The following CNTNAP2 variants were observed in gnomAD, a reference collection of about 807,000 sequenced individuals.
CNTNAP2 encodes contactin associated protein 2, also known as contactin-associated protein-like 2.
In CNTNAP2, 98 loss-of-function variants were observed where a neutral mutation model predicts 155.2. The observed-to-expected ratio is 0.63, with a 90% confidence interval of 0.54 to 0.75. CNTNAP2 has a LOEUF of 0.75. Among genes scored for constraint, CNTNAP2 ranks in the 30% least tolerant of loss-of-function variants. CNTNAP2 has a pLI of 0.00. For missense variants in CNTNAP2, 1,727 were observed against 1,688.1 expected, an observed-to-expected ratio of 1.02 and a Z score of -0.40; for synonymous variants, 651 against 631.2, an observed-to-expected ratio of 1.03 and a Z score of -0.47.
intron 13 of CNTNAP2, among the ~76,000 whole-genome samples, chr7:147,833,180 A>C (rs1302354272): frequency 6.6e-6 from 1 of 151,536 alleles, no homozygotes; most frequent in Non-Finnish European, 1.5e-5. Context: ...TAGATACAAC[A>C]AAATAGGGGT....
At chr7:147,179,630 A>G (rs758030701) in intron 8 of CNTNAP2, among the ~76,000 whole-genome samples, 61 of 152,308 alleles carry the variant, frequency 4.0e-4, no homozygotes, top group Non-Finnish European at 8.5e-4. Context: ...AATTAGTCTT[A>G]TCAAAATCGG....
At chr7:146,489,804 C>G (rs1404820002) in intron 1 of CNTNAP2, among the ~76,000 whole-genome samples, 1 of 150,072 alleles carries the variant, frequency 6.7e-6, no homozygotes, top group Non-Finnish European at 1.5e-5. Flanking sequence ...GGTCTCCAAC[C>G]CCTGAAGTCG....
chr7:148,088,212 T>C (rs560484038), intron 15 of CNTNAP2, among the ~76,000 whole-genome samples: 7 of 152,218 alleles, frequency 4.6e-5, no homozygotes, highest in Middle Eastern at 3.4e-3. Context: ...ATGACCTTCA[T>C]TGATATTTCT....
chr7:146,961,306 A>G (rs1297454131), intron 3 of CNTNAP2, among the ~76,000 whole-genome samples: 1 of 152,152 alleles, frequency 6.6e-6, no homozygotes, highest in Non-Finnish European at 1.5e-5. Flanking sequence ...CTAGGTGCCA[A>G]TAAAGAATGC....
At chr7:146,817,452 A>C (rs76034183) in intron 2 of CNTNAP2, among the ~76,000 whole-genome samples, 7,408 of 151,160 alleles carry the variant, frequency 0.049, 271 homozygotes, top group Middle Eastern at 0.099. Flanking sequence ...AGCTTGGGCA[A>C]CATGAGCGAA....
At position 147,890,412 on chromosome 7, in the gene CNTNAP2, C is replaced by A. The variant is rs182841715; in HGVS notation, c.2099-13153C>A. Among the ~76,000 whole-genome samples, 95 of 152,204 alleles carry A rather than the reference C, an allele frequency of 6.2e-4. 1 individual carries two copies. Among genetic ancestry groups the A allele is most frequent in the Middle Eastern group, 3.4e-3 (1 of 294 alleles). On this transcript the variant is annotated intron_variant, in intron 13 of 23. Transcript: ENST00000361727. Reference sequence around the variant, plus strand: ...TTGGTGGGGATGTAAATTAGGACGACCATTATGAGAAACAGCATAGAAGTT... The same window carrying A: ...TTGGTGGGGATGTAAATTAGGACGAACATTATGAGAAACAGCATAGAAGTT...
At chr7:146,725,579 T>G (rs1427937243) in intron 1 of CNTNAP2, among the ~76,000 whole-genome samples, 5 of 152,156 alleles carry the variant, frequency 3.3e-5, no homozygotes, top group African/African-American at 1.2e-4. Flanking sequence ...CACCATTATT[T>G]CAAAGGTCAC....
Position 147,128,688 on chromosome 7 carries a change from C to CAAAG in CNTNAP2, c.940-3_940dup. 5 of 1,613,690 alleles carry CAAAG rather than the reference C, an allele frequency of 3.1e-6. No individual in the cohort carries two copies. Among genetic ancestry groups the CAAAG allele is most frequent in the Non-Finnish European group, 4.2e-6 (5 of 1,179,796 alleles). On this transcript the variant is annotated splice_region_variant and splice_polypyrimidine_tract_variant and intron_variant, in intron 6 of 23. Transcript: ENST00000361727. ...ACGTTTACATTTAATTTCTTTTTCT[C>CAAAG]AAAGATAACCTTTGGAGGCATCCCT... is the stretch of plus-strand genomic sequence containing the variant.
intron 14 of CNTNAP2, among the ~76,000 whole-genome samples, chr7:147,916,952 A>T (rs1489194086): frequency 6.6e-6 from 1 of 152,080 alleles, no homozygotes. Flanking sequence ...CCATTGCCTT[A>T]TGTATTATCA....
chr7:146,486,046 CTTTTTTTTTTTTTT>C (rs71175651), intron 1 of CNTNAP2, among the ~76,000 whole-genome samples: 59 of 42,602 alleles, frequency 1.4e-3, no homozygotes, highest in Non-Finnish European at 2.2e-3. Flanking sequence ...CCACAGCAGT[CTTTTTTTTTTTTTT>C]TTTTTTTTTT....
At chr7:146,567,748 T>A (rs1417785805) in intron 1 of CNTNAP2, among the ~76,000 whole-genome samples, 2 of 151,902 alleles carry the variant, frequency 1.3e-5, no homozygotes, top group Non-Finnish European at 2.9e-5. Flanking sequence ...GGGGACGGAG[T>A]CTCGCTCAGT....
chr7:146,951,074 T>C (rs1284262573), intron 3 of CNTNAP2, among the ~76,000 whole-genome samples: 6 of 152,342 alleles, frequency 3.9e-5, no homozygotes, highest in African/African-American at 1.4e-4. Context: ...ATATGTTTGT[T>C]GGCCACATAA....
intron 1 of CNTNAP2, among the ~76,000 whole-genome samples, chr7:146,647,822 C>A (rs566615883): frequency 3.3e-5 from 5 of 152,150 alleles, no homozygotes; most frequent in African/African-American, 7.2e-5. Context: ...TAAAAGAAAT[C>A]TTTTACTCTA....
intron 2 of CNTNAP2, among the ~76,000 whole-genome samples, chr7:146,817,694 T>C (rs1033639466): frequency 6.6e-6 from 1 of 152,014 alleles, no homozygotes; most frequent in East Asian, 1.9e-4. Flanking sequence ...CTACTCACTT[T>C]TAAACAACCA....
At chr7:148,210,040 C>T (rs1795516959) in intron 18 of CNTNAP2, among the ~76,000 whole-genome samples, 1 of 152,160 alleles carries the variant, frequency 6.6e-6, no homozygotes, top group African/African-American at 2.4e-5. Context: ...TCTGTCAGCT[C>T]ATAGTTCACA....
At chr7:147,933,915 T>C (rs897148106) in intron 14 of CNTNAP2, among the ~76,000 whole-genome samples, 1 of 152,054 alleles carries the variant, frequency 6.6e-6, no homozygotes, top group African/African-American at 2.4e-5. Flanking sequence ...AGTGACAATA[T>C]AGATGAATCT....
chr7:146,866,154 A>G (rs1400799806), intron 3 of CNTNAP2, among the ~76,000 whole-genome samples: 3 of 152,060 alleles, frequency 2.0e-5, no homozygotes, highest in African/African-American at 7.2e-5. Flanking sequence ...TGCCTGTTTT[A>G]CTTTTTGAAA....
intron 1 of CNTNAP2, among the ~76,000 whole-genome samples, chr7:146,453,750 T>G (rs1796515482): frequency 6.6e-6 from 1 of 152,202 alleles, no homozygotes; most frequent in Non-Finnish European, 1.5e-5. Context: ...GAGACTCTGA[T>G]TTAACTTCTA....
intron 1 of CNTNAP2, among the ~76,000 whole-genome samples, chr7:146,364,973 T>C (rs1357134008): frequency 1.3e-5 from 2 of 152,202 alleles, no homozygotes; most frequent in African/African-American, 2.4e-5. Context: ...TTATAAATGG[T>C]TGTCAAATTT....
Sources: gnomAD v4.1 joint callset for allele counts (sites outside exome capture counted in the v4.1 genomes callset) on GRCh38, gnomAD v4.1.1 for gene constraint, MANE v1.5 for transcripts, NCBI Gene and HGNC (gene_info 2026-07-23, HGNC 2026-07-21) for gene names.